Variants in STOX2 observed in about 807,000 individuals in gnomAD.
The protein encoded by STOX2 is storkhead box 2.
Under a neutral mutation model 60.9 loss-of-function variants are expected in STOX2, and 28 were observed. That is an observed-to-expected ratio of 0.46 (90% CI 0.34 to 0.63). STOX2 has a LOEUF of 0.63. STOX2 is among the 30% of genes least tolerant of loss of function. STOX2 has a pLI of 0.01. For synonymous variants in STOX2, 472 were observed against 463.9 expected, an observed-to-expected ratio of 1.02 and a Z score of -0.22; for missense variants, 1,024 against 1,187.7, an observed-to-expected ratio of 0.86 and a Z score of 2.03.
upstream of STOX2, chr4:183,905,292 A>T (rs1006071941): frequency 6.6e-6 from 1 of 152,160 alleles, no homozygotes; most frequent in Non-Finnish European, 1.5e-5. Context: ...TCCTTTAGCG[A>T]TTGGTTGTTG....
intron 1 of STOX2, among the ~76,000 whole-genome samples, chr4:183,976,330 AG>A (rs1213358494): frequency 6.6e-6 from 1 of 152,242 alleles, no homozygotes; most frequent in Non-Finnish European, 1.5e-5. Context: ...ACAAAAAAAA[AG>A]AAAATCAGTC....
chr4:183,962,487 G>A (rs1743441139), intron 1 of STOX2, among the ~76,000 whole-genome samples: 2 of 152,152 alleles, frequency 1.3e-5, no homozygotes, highest in Admixed American at 1.3e-4. Context: ...GAAAGGTAAA[G>A]TGATGTTCTG....
intron 1 of STOX2, among the ~76,000 whole-genome samples, chr4:183,892,306 T>TCTC (rs1409802370): frequency 1.3e-5 from 2 of 152,050 alleles, no homozygotes; most frequent in South Asian, 2.1e-4. Flanking sequence ...TGAGACGGAG[T>TCTC]CTCGCTCTGT....
At chr4:183,943,809 G>A (rs1442112981) in intron 1 of STOX2, among the ~76,000 whole-genome samples, 3 of 152,174 alleles carry the variant, frequency 2.0e-5, no homozygotes, top group Admixed American at 6.5e-5. Context: ...TCCGGGAGGC[G>A]GAGGTTGCAG....
chr4:183,826,543 C>A (rs1373988561), intron 1 of STOX2, among the ~76,000 whole-genome samples: 1 of 152,226 alleles, frequency 6.6e-6, no homozygotes, highest in Non-Finnish European at 1.5e-5. Context: ...TACACCACTT[C>A]ACTCCTTTCA....
At chr4:183,951,606 G>A (rs1743097022) in intron 1 of STOX2, among the ~76,000 whole-genome samples, 1 of 151,478 alleles carries the variant, frequency 6.6e-6, no homozygotes, top group Admixed American at 6.6e-5. Flanking sequence ...GTGAGCCGCT[G>A]CGCTCGGCAA....
At chr4:183,823,323 G>A (rs1267632118) in intron 1 of STOX2, among the ~76,000 whole-genome samples, 1 of 152,174 alleles carries the variant, frequency 6.6e-6, no homozygotes, top group East Asian at 1.9e-4. Context: ...TTGAACCCGG[G>A]AGGCAGAGGT....
chr4:183,927,109 A>G (rs1742263103), intron 1 of STOX2, among the ~76,000 whole-genome samples: 1 of 152,226 alleles, frequency 6.6e-6, no homozygotes, highest in Admixed American at 6.5e-5. Context: ...TTGCTTTTCT[A>G]GCCAGTTATT....
At chr4:183,930,480 C>G (rs1339648706) in intron 1 of STOX2, among the ~76,000 whole-genome samples, 3 of 151,918 alleles carry the variant, frequency 2.0e-5, no homozygotes, top group Non-Finnish European at 4.4e-5. Flanking sequence ...GCTGGGACTA[C>G]AGGTGTGTGC....
At chr4:183,963,468 C>A (rs192298697) in intron 1 of STOX2, among the ~76,000 whole-genome samples, 58 of 151,592 alleles carry the variant, frequency 3.8e-4, no homozygotes, top group Non-Finnish European at 3.5e-4. Flanking sequence ...GCACTGTCAC[C>A]CAGGCTGGAG....
intron 1 of STOX2, among the ~76,000 whole-genome samples, chr4:183,991,810 C>A (rs1733118779): frequency 6.6e-6 from 1 of 152,166 alleles, no homozygotes. Flanking sequence ...TCCATTATCT[C>A]ATTTAATCCC....
intron 1 of STOX2, among the ~76,000 whole-genome samples, chr4:183,961,878 A>C (rs1743423746): frequency 6.6e-6 from 1 of 152,254 alleles, no homozygotes; most frequent in Non-Finnish European, 1.5e-5. Flanking sequence ...CAAGATGTTG[A>C]TTCTATCTCC....
chr4:183,882,432 C>G (rs1740979768), intron 1 of STOX2, among the ~76,000 whole-genome samples: 1 of 152,176 alleles, frequency 6.6e-6, no homozygotes, highest in East Asian at 1.9e-4. Flanking sequence ...TCGGTTAATC[C>G]CGGGATATTG....
In STOX2 at chr4:183,965,555, A is replaced by T. The variant is rs182205140; in HGVS notation, c.167-35770A>T. 7.3e-3 allele frequency among the ~76,000 whole-genome samples: 1,118 copies of T among 152,322 alleles called. 8 individuals carry two copies. Among genetic ancestry groups the T allele is most frequent in the Non-Finnish European group, 0.01 (708 of 68,030 alleles). On this transcript the variant is annotated intron_variant, in intron 1 of 3. Transcript: ENST00000308497. ...CTTTCTGATACCATTAGACAGTTTT[A>T]TCATCTGTCCTTATGTAATGTCCTT...
chr4:183,810,585 C>G (rs1561102014), intron 1 of STOX2, among the ~76,000 whole-genome samples: 1 of 152,092 alleles, frequency 6.6e-6, no homozygotes, highest in Non-Finnish European at 1.5e-5. Context: ...GAATCTAATC[C>G]CCAGTGCAAC....
intron 1 of STOX2, among the ~76,000 whole-genome samples, chr4:183,799,975 G>C (rs1738723007): frequency 6.6e-6 from 1 of 152,032 alleles, no homozygotes; most frequent in Non-Finnish European, 1.5e-5. Context: ...GGAAGCAGAG[G>C]GACTCCCTCT....
chr4:184,005,613 C>G (rs1560935904), intron 2 of STOX2, among the ~76,000 whole-genome samples: 1 of 152,184 alleles, frequency 6.6e-6, no homozygotes, highest in Non-Finnish European at 1.5e-5. Flanking sequence ...TTTAAGCCCT[C>G]ACAATCTGAA....
chr4:183,943,582 G>A (rs572286269), intron 1 of STOX2, among the ~76,000 whole-genome samples: 2 of 152,256 alleles, frequency 1.3e-5, no homozygotes, highest in Non-Finnish European at 2.9e-5. Context: ...TCAAACGTAC[G>A]AGAAGAAATA....
At chr4:183,805,396 AATAG>A (rs1372156661) in intron 1 of STOX2, among the ~76,000 whole-genome samples, 3 of 152,230 alleles carry the variant, frequency 2.0e-5, no homozygotes, top group Non-Finnish European at 4.4e-5. Flanking sequence ...ATGAGGAATA[AATAG>A]ATGTATTGCC....
Sources: allele counts gnomAD v4.1 joint callset (sites outside exome capture counted in the v4.1 genomes callset), GRCh38; gene constraint gnomAD v4.1.1; transcripts MANE v1.5; gene names NCBI Gene and HGNC (gene_info 2026-07-23, HGNC 2026-07-21).